Variants in LOXL2 observed in about 807,000 individuals in gnomAD.
LOXL2 encodes lysyl oxidase like 2.
LOXL2 carries 70 observed loss-of-function variants against 93.0 expected under a neutral mutation model. That is an observed-to-expected ratio of 0.75 (90% confidence interval 0.62 to 0.92). The LOEUF (loss-of-function observed/expected upper bound fraction) is 0.92, where lower values mean the gene tolerates loss of function less well. LOXL2 is among the 40% of genes least tolerant of loss of function. The pLI, the probability that LOXL2 is intolerant of heterozygous loss-of-function variation, is 0.00. For synonymous variants in LOXL2, 438 were observed against 413.2 expected (o/e 1.06, Z -0.73); for missense variants, 973 against 1,054.9 (o/e 0.92, Z 1.08).
intron 1 of LOXL2, among the ~76,000 whole-genome samples, chr8:23,372,328 C>T (rs1365823453): frequency 6.6e-6 from 1 of 152,000 alleles, no homozygotes; most frequent in Non-Finnish European, 1.5e-5. Context: ...AGCGATTCTC[C>T]TGCCTTAGCC....
In LOXL2 at chr8:23,356,174, G is replaced by C. The variant is rs541732609; in HGVS notation, c.531+3916C>G. Among the ~76,000 whole-genome samples the C allele has an allele frequency of 2.0e-5, 3 of 152,214 alleles. No individual in the cohort carries two copies. In the East Asian group the frequency reaches 5.8e-4, roughly 29 times the overall value. The stretch of plus-strand genomic sequence containing the variant: ...CCATGAACATTCCTGATACATGATG[G>C]GGAGGCCGGAACAGAGCCCTAGGGC... On this transcript the variant is annotated intron_variant, in intron 3 of 13. Coordinates refer to ENST00000389131, the MANE Select transcript of LOXL2 (RefSeq NM_002318.3).
chr8:23,347,487 G>A (rs949140159), intron 3 of LOXL2, among the ~76,000 whole-genome samples: 3 of 151,848 alleles, frequency 2.0e-5, no homozygotes, highest in East Asian at 1.9e-4. Context: ...GTGAAACCTC[G>A]TCTCTACTAA....
At chr8:23,391,339 A>T (rs1804841301) in intron 1 of LOXL2, among the ~76,000 whole-genome samples, 1 of 152,188 alleles carries the variant, frequency 6.6e-6, no homozygotes, top group African/African-American at 2.4e-5. Flanking sequence ...TCAGATTCAA[A>T]TCTGGCTTCT....
rs920878488 is a variant in LOXL2, at chr8:23,353,347, T to G, written c.531+6743A>C. Among the ~76,000 whole-genome samples, 50 of 152,200 alleles carry G rather than the reference T, an allele frequency of 3.3e-4. 1 individual carries two copies. Among genetic ancestry groups the G allele is most frequent in the Non-Finnish European group, 2.5e-4 (17 of 68,040 alleles). On this transcript the variant is annotated intron_variant, in intron 3 of 13. Coordinates refer to ENST00000389131, the MANE Select transcript of LOXL2 (RefSeq NM_002318.3). ...ATCTGTTCGTTTGGAGCCAAGAGTG[T>G]TTCACATTTGCTTATTTGCTCCTAC...
chr8:23,341,943 C>T (rs371446193), intron 3 of LOXL2, among the ~76,000 whole-genome samples: 3 of 152,162 alleles, frequency 2.0e-5, no homozygotes, highest in Non-Finnish European at 4.4e-5. Flanking sequence ...GGAAAGGAGA[C>T]ACTTTGAGCC....
chr8:23,318,174 TA>T (rs201612130), intron 8 of LOXL2, among the ~76,000 whole-genome samples: 29 of 66,052 alleles, frequency 4.4e-4, no homozygotes, highest in East Asian at 5.9e-4. Flanking sequence ...TCTTAAGGGG[TA>T]AAAAAAAAAA....
Position 23,297,867 on chromosome 8 carries a change from T to G in LOXL2, c.*176A>C. On this transcript the variant is annotated 3_prime_UTR_variant, in exon 14 of 14. Coordinates refer to ENST00000389131, the MANE Select transcript of LOXL2 (RefSeq NM_002318.3). The stretch of plus-strand genomic sequence containing the variant: ...CCAAGGGTCAGGTAGCAGCCCCCCA[T>G]GAATGATGGGAGGGTCCCTTTCCTC... The G allele has an allele frequency of 1.7e-6, 1 of 575,426 alleles. No individual in the cohort carries two copies. The highest frequency in any genetic ancestry group is 2.9e-5 in the East Asian group (1 of 33,904). The allele number at this position is 575,426 out of a possible 1,614,324, so 35.6% of individuals were successfully genotyped here.
chr8:23,303,616 T>A (rs557651679), intron 10 of LOXL2, among the ~76,000 whole-genome samples: 1 of 152,164 alleles, frequency 6.6e-6, no homozygotes, highest in Non-Finnish European at 1.5e-5. Context: ...TTGCTAAGCC[T>A]CCGTCCTCTC....
At chr8:23,401,069 C>G (rs1196816160) in intron 1 of LOXL2, among the ~76,000 whole-genome samples, 2 of 152,218 alleles carry the variant, frequency 1.3e-5, no homozygotes, top group East Asian at 3.8e-4. Flanking sequence ...ACCAGAACCA[C>G]CGAAGCCCAG....
intron 5 of LOXL2, 67 bp downstream of exon 5, chr8:23,333,334 C>T: frequency 7.0e-7 from 1 of 1,427,352 alleles, no homozygotes; most frequent in East Asian, 2.3e-5. Flanking sequence ...GGGATCCTGC[C>T]TACTCCCTCA....
Position 23,303,276 on chromosome 8 carries a change from A to G in LOXL2, c.1996+6T>C. 1.3e-6 allele frequency: 2 copies of G among 1,589,286 alleles called. No homozygotes were observed. Among genetic ancestry groups the G allele is most frequent in the Middle Eastern group, 3.3e-4 (2 of 6,016 alleles). On this transcript the variant is annotated splice_donor_region_variant and intron_variant, in intron 11 of 13. Coordinates refer to ENST00000389131, the MANE Select transcript of LOXL2 (RefSeq NM_002318.3). ...GGCCTCCCATCCCCCCACTCCGCTC[A>G]GATACCTCCTTCACATTCTGTGTCC... is the stretch of plus-strand genomic sequence containing the variant.
Position 23,360,184 on chromosome 8 carries a change from G to A in LOXL2, c.437C>T (p.Thr146Ile), listed in dbSNP as rs1204437560. The change falls in exon 3 of 14, where the codon ACT (threonine) becomes ATT (isoleucine). Residue 146 changes from threonine (T) to isoleucine (I), a missense_variant. By Grantham distance (89) the Thr-to-Ile change is moderately conservative (BLOSUM62 -1). Coordinates refer to ENST00000389131, the MANE Select transcript of LOXL2 (RefSeq NM_002318.3). ...GACATCCTCCGTGTGCTTGCAGTCA[G>A]TGACGCCCCAGCCATTGGAGGTGCA... ...AACTSNGWGV[T>I]DCKHTEDVGV... 2.5e-6 allele frequency: 4 copies of A among 1,614,048 alleles called. No homozygotes were observed. Among genetic ancestry groups the A allele is most frequent in the Non-Finnish European group, 3.4e-6 (4 of 1,179,990 alleles).
intron 3 of LOXL2, among the ~76,000 whole-genome samples, chr8:23,359,107 C>T (rs1804246664): frequency 6.6e-6 from 1 of 152,016 alleles, no homozygotes; most frequent in Admixed American, 6.6e-5. Context: ...CCGCCTCGGC[C>T]TCCCAAAGTG....
At chr8:23,336,899 G>A (rs1236926826) in intron 4 of LOXL2, 1 of 152,172 alleles carries the variant, frequency 6.6e-6, no homozygotes, top group African/African-American at 2.4e-5. Flanking sequence ...ATACAGTATA[G>A]ATTTCTGGCA....
At chr8:23,371,971 A>G (rs1804503391) in intron 1 of LOXL2, among the ~76,000 whole-genome samples, 1 of 152,014 alleles carries the variant, frequency 6.6e-6, no homozygotes, top group Non-Finnish European at 1.5e-5. Context: ...GAAAAGTACA[A>G]CTAACAGGTT....
chr8:23,387,245 T>C (rs947433085), intron 1 of LOXL2, among the ~76,000 whole-genome samples: 2 of 152,158 alleles, frequency 1.3e-5, no homozygotes, highest in Admixed American at 1.3e-4. Flanking sequence ...CCATTCAAGG[T>C]TACAACATTC....
chr8:23,315,545 T>G (rs1803381256), intron 9 of LOXL2, among the ~76,000 whole-genome samples: 1 of 152,172 alleles, frequency 6.6e-6, no homozygotes, highest in African/African-American at 2.4e-5. Context: ...ATCTCATAAA[T>G]CTCAGTCCTC....
chr8:23,386,851 G>A (rs899149299), intron 1 of LOXL2, among the ~76,000 whole-genome samples: 12 of 152,122 alleles, frequency 7.9e-5, no homozygotes, highest in Non-Finnish European at 1.5e-4. Context: ...CCCTCCACAC[G>A]CTCCAAATAA....
rs143689866 is a variant in LOXL2, at chr8:23,298,898, T to A, written c.2183A>T (p.Asn728Ile). Reference sequence around the variant, plus strand: ...ATAGCGGCTCCTGCATTTCATGATGTTGTTGGAGTAATCGGATTCTGCAAC... The same window carrying A: ...ATAGCGGCTCCTGCATTTCATGATGATGTTGGAGTAATCGGATTCTGCAAC... ...FEVAESDYSN[N>I]IMKCRSRYDG... Residue 728 changes from asparagine (N) to isoleucine (I), a missense_variant, in exon 13 of 14, where the codon AAC becomes ATC. Coordinates refer to ENST00000389131, the MANE Select transcript of LOXL2 (RefSeq NM_002318.3). The A allele has an allele frequency of 1.2e-5, 20 of 1,613,878 alleles. No individual in the cohort carries two copies. The highest frequency in any genetic ancestry group is 2.7e-5 in the African/African-American group (2 of 74,918).
Sources: allele counts gnomAD v4.1 joint callset (sites outside exome capture counted in the v4.1 genomes callset), GRCh38; gene constraint gnomAD v4.1.1; transcripts MANE v1.5; gene names NCBI Gene and HGNC (gene_info 2026-07-23, HGNC 2026-07-21).